MBNL1: variants seen among roughly 807,000 people sequenced by gnomAD.
MBNL1 encodes the protein muscleblind-like protein 1.
MBNL1 carries 8 observed loss-of-function variants against 42.2 expected under a neutral mutation model. That is an observed-to-expected ratio of 0.19 (90% confidence interval 0.11 to 0.34). MBNL1 has a LOEUF of 0.34. MBNL1 is among the 10% of genes least tolerant of loss of function. The pLI is 1.00. For missense variants in MBNL1, 309 were observed against 495.3 expected (o/e 0.62, Z 3.57); for synonymous variants, 169 against 173.9 (o/e 0.97, Z 0.22).
chr3:152,445,269 A>C lies in MBNL1; in HGVS notation c.550-13A>C, dbSNP rs762070648. ...CATGTTGACTAAACCTCATGTACTT[A>C]ATGACCTCATAGGTATGTCGAGAGT... On this transcript the variant is annotated splice_polypyrimidine_tract_variant and intron_variant, in intron 4 of 9. Coordinates refer to ENST00000324210, the MANE Select transcript of MBNL1 (RefSeq NM_021038.5). 1 of 1,607,058 alleles carries C rather than the reference A, an allele frequency of 6.2e-7. No individual in the cohort carries two copies. The highest frequency in any genetic ancestry group is 1.1e-5 in the South Asian group (1 of 90,610).
In MBNL1 at chr3:152,345,068, T is replaced by C. The variant is rs560889779; in HGVS notation, c.174+44701T>C. On this transcript the variant is annotated intron_variant, in intron 2 of 9. Transcript: ENST00000324210. ...TTTGGGCATGAAAACGTTGTTTTAC[T>C]TCACTTACCCTGGGAGACTTTTTTT... Among the ~76,000 whole-genome samples the C allele has an allele frequency of 4.1e-4, 63 of 152,274 alleles. No homozygotes were observed. In the South Asian group the frequency reaches 5.8e-3, roughly 14 times the overall value.
chr3:152,269,421 T>C (rs2038856939), intron 1 of MBNL1: 2 of 422,460 alleles, frequency 4.7e-6, no homozygotes, highest in Non-Finnish European at 9.5e-6. Context: ...CGTGCAAGTG[T>C]ACTCACAACT....
rs140205207 is a variant in MBNL1 at position 152,299,596 on chromosome 3, G to A, written c.-598G>A. 68 of 397,872 alleles carry A rather than the reference G, an allele frequency of 1.7e-4. 1 individual carries two copies. The highest frequency in any genetic ancestry group is 8.6e-4 in the African/African-American group (42 of 48,626). 24.6% of individuals were successfully genotyped at this position (397,872 alleles called of 1,614,324 possible). On this transcript the variant is annotated 5_prime_UTR_variant, in exon 2 of 10. Transcript: ENST00000324210. ...CTCTAAGTATCTGGCATTGCCCTAG[G>A]CTGCTTTAGTGTTAAAAGAAAAGTT...
chr3:152,264,576 T>C (rs2036873152), upstream of MBNL1: 1 of 152,084 alleles, frequency 6.6e-6, no homozygotes, highest in African/African-American at 2.4e-5. Context: ...TCAGTTCTGC[T>C]CTGCCATGGT....
chr3:152,323,577 A>C (rs905435362), intron 2 of MBNL1, among the ~76,000 whole-genome samples: 1 of 152,160 alleles, frequency 6.6e-6, no homozygotes, highest in Non-Finnish European at 1.5e-5. Flanking sequence ...TAAATGGTAT[A>C]GCCTACTACA....
intron 2 of MBNL1, among the ~76,000 whole-genome samples, chr3:152,407,615 T>C (rs1242391628): frequency 6.6e-5 from 10 of 152,116 alleles, no homozygotes; most frequent in Admixed American, 2.0e-4. Flanking sequence ...CAGACAATTA[T>C]GTAATAAAAA....
intron 2 of MBNL1, among the ~76,000 whole-genome samples, chr3:152,260,641 T>TG (rs1559940872): frequency 2.0e-4 from 30 of 152,020 alleles, no homozygotes; most frequent in Non-Finnish European, 2.9e-4. Flanking sequence ...AAGGGGGTGC[T>TG]TATAATCACA....
chr3:152,270,637 T>C (rs2040897693), intron 1 of MBNL1, among the ~76,000 whole-genome samples: 1 of 152,226 alleles, frequency 6.6e-6, no homozygotes, highest in Non-Finnish European at 1.5e-5. Flanking sequence ...GATGTAGTTA[T>C]AGATAGAGGC....
At chr3:152,303,205 C>T (rs187628178) in intron 2 of MBNL1, among the ~76,000 whole-genome samples, 16 of 152,032 alleles carry the variant, frequency 1.1e-4, no homozygotes, top group Admixed American at 9.8e-4. Flanking sequence ...AAGTCTGTAT[C>T]GTAATAAATC....
intron 3 of MBNL1, among the ~76,000 whole-genome samples, chr3:152,418,388 C>T (rs570684132): frequency 9.9e-5 from 15 of 152,014 alleles, no homozygotes; most frequent in Non-Finnish European, 1.8e-4. Context: ...AGATCTCTAA[C>T]CTAGCTGGGT....
intron 1 of MBNL1, among the ~76,000 whole-genome samples, chr3:152,288,322 G>A (rs189839718): frequency 6.6e-6 from 1 of 152,232 alleles, no homozygotes; most frequent in African/African-American, 2.4e-5. Flanking sequence ...AATTAGAAGT[G>A]CATGCTGCTT....
intron 7 of MBNL1, among the ~76,000 whole-genome samples, chr3:152,456,050 C>A (rs1447753177): frequency 6.6e-6 from 1 of 151,906 alleles, no homozygotes; most frequent in Admixed American, 6.6e-5. Flanking sequence ...AAGCTTTTTT[C>A]CCCCTTTTTT....
chr3:152,337,276 G>C (rs945283260), intron 2 of MBNL1, among the ~76,000 whole-genome samples: 4 of 152,134 alleles, frequency 2.6e-5, no homozygotes, highest in African/African-American at 9.7e-5. Context: ...ATGAAGCAGA[G>C]ATTCAGGAAA....
In MBNL1 at chr3:152,249,115, T is replaced by C. The variant is rs879768977; in HGVS notation, n.333+4675T>C. On this transcript the variant is annotated intron_variant and non_coding_transcript_variant, in intron 2 of 2. Transcript: ENST00000477171. Reference sequence around the variant, plus strand: ...GTCTTTATAGCAGCATGATTTATAGTCCTTTGGGTATATACCCAGTAATGG... The same window carrying C: ...GTCTTTATAGCAGCATGATTTATAGCCCTTTGGGTATATACCCAGTAATGG... 6.5e-3 allele frequency among the ~76,000 whole-genome samples: 933 copies of C among 143,246 alleles called. 4 individuals carry two copies. The highest frequency in any genetic ancestry group is 0.021 in the Middle Eastern group (6 of 280). 94.0% of individuals were successfully genotyped at this position (143,246 alleles called of 152,430 possible). A position where few individuals can be genotyped will look rare whatever the true frequency, so the allele number is the denominator to read the frequency against.
At chr3:152,316,046 G>A (rs2071043510) in intron 2 of MBNL1, among the ~76,000 whole-genome samples, 1 of 152,114 alleles carries the variant, frequency 6.6e-6, no homozygotes. Flanking sequence ...GTGGCCCCAA[G>A]GGTTTGCTTG....
intron 9 of MBNL1, among the ~76,000 whole-genome samples, chr3:152,460,557 A>G (rs529744788): frequency 4.0e-4 from 60 of 151,270 alleles, no homozygotes; most frequent in African/African-American, 1.4e-3. Flanking sequence ...TGGCACATGT[A>G]TACATATGTA....
intron 2 of MBNL1, among the ~76,000 whole-genome samples, chr3:152,309,684 G>A (rs1235449988): frequency 1.3e-5 from 2 of 152,114 alleles, no homozygotes; most frequent in African/African-American, 2.4e-5. Context: ...CAGTGTTTAG[G>A]ATCTGCTTGT....
chr3:152,392,634 C>A (rs1051219076), intron 2 of MBNL1, among the ~76,000 whole-genome samples: 1 of 152,206 alleles, frequency 6.6e-6, no homozygotes, highest in African/African-American at 2.4e-5. Context: ...TAACCCCTTT[C>A]TATTTTTATC....
At chr3:152,379,817 T>C (rs571138169) in intron 2 of MBNL1, among the ~76,000 whole-genome samples, 1 of 152,248 alleles carries the variant, frequency 6.6e-6, no homozygotes, top group African/African-American at 2.4e-5. Flanking sequence ...AGTCAGAAGA[T>C]AGGTTAAGCT....
Sources: gnomAD v4.1 joint callset for allele counts (sites outside exome capture counted in the v4.1 genomes callset) on GRCh38, gnomAD v4.1.1 for gene constraint, MANE v1.5 for transcripts, NCBI Gene and HGNC (gene_info 2026-07-23, HGNC 2026-07-21) for gene names.